Variants in CPA3 observed in about 807,000 individuals in gnomAD.
The protein encoded by CPA3 is mast cell carboxypeptidase A.
A neutral mutation model predicts 55.8 loss-of-function variants in CPA3; 52 were observed. The ratio of observed to expected loss-of-function variants is 0.93; its 90% CI spans 0.75 to 1.17. The LOEUF (loss-of-function observed/expected upper bound fraction) is 1.17. Among genes scored for constraint, CPA3 ranks in the 50% most tolerant of loss-of-function variants. The probability of loss-of-function intolerance (pLI) is 0.00; values close to 1 mark genes in which losing one functional copy is unlikely to be tolerated. For missense variants in CPA3, 547 were observed against 509.1 expected (o/e 1.07, Z -0.72); for synonymous variants, 179 against 171.2 (o/e 1.05, Z -0.36).
chr3:148,879,751 T>C, intron 5 of CPA3, 37 bp from the exon 6 acceptor site: 2 of 1,383,332 alleles, frequency 1.4e-6, no homozygotes, highest in Non-Finnish European at 2.1e-6. Context: ...ATGTGTGAGT[T>C]TGTTCAAAAC....
intron 10 of CPA3, among the ~76,000 whole-genome samples, chr3:148,887,614 C>T (rs1714567995): frequency 6.6e-6 from 1 of 152,202 alleles, no homozygotes; most frequent in South Asian, 2.1e-4. Context: ...AGACAATTAA[C>T]TCAGATCCTG....
At position 148,882,550 on chromosome 3, in the gene CPA3, T is replaced by C; in HGVS notation, c.733T>C (p.Cys245Arg). 6.2e-7 allele frequency: 1 copy of C among 1,613,784 alleles called. No homozygotes were observed. The highest frequency in any genetic ancestry group is 1.3e-5 in the African/African-American group (1 of 75,042). Residue 245 changes from cysteine (C) to arginine (R), a missense_variant, in exon 8 of 11, where the codon TGC becomes CGC. Cys to Arg is a radical substitution (Grantham distance 180). Transcript: ENST00000296046. ...KNRSKNQNSK[C>R]IGTDLNRNFN... ...TCGTTCCAAGAACCAAAACTCCAAA[T>C]GCATCGGCACTGACCTCAACAGGAA...
chr3:148,867,493 C>T (rs1713935353), intron 2 of CPA3, among the ~76,000 whole-genome samples: 1 of 152,210 alleles, frequency 6.6e-6, no homozygotes, highest in Admixed American at 6.5e-5. Context: ...CTCTTTGCCT[C>T]CTGCTTAATA....
At chr3:148,890,231 A>G (rs1009663890) in intron 10 of CPA3, among the ~76,000 whole-genome samples, 1 of 152,228 alleles carries the variant, frequency 6.6e-6, no homozygotes, top group Non-Finnish European at 1.5e-5. Context: ...AAATGATTAT[A>G]TTTGCATATA....
intron 10 of CPA3, among the ~76,000 whole-genome samples, chr3:148,893,567 C>A (rs975759484): frequency 6.6e-6 from 1 of 151,830 alleles, no homozygotes. Context: ...TGTCATCGGT[C>A]CAAGGAAAAG....
Position 148,866,677 on chromosome 3 carries a change from C to T in CPA3, c.144+1129C>T, listed in dbSNP as rs886435213. 7.9e-5 allele frequency among the ~76,000 whole-genome samples: 12 copies of T among 152,196 alleles called. No homozygotes were observed. The South Asian group carries it at 1.7e-3, about 21-fold the overall frequency. Reference sequence around the variant, plus strand: ...TGGGGATAATAGTCATAGCTACTTCCTAGGGTTGCTACAAAGACTAAGTAA... The same window carrying T: ...TGGGGATAATAGTCATAGCTACTTCTTAGGGTTGCTACAAAGACTAAGTAA... On this transcript the variant is annotated intron_variant, in intron 2 of 10. Transcript: ENST00000296046.
At chr3:148,866,917 C>T (rs917039017) in intron 2 of CPA3, among the ~76,000 whole-genome samples, 21 of 152,178 alleles carry the variant, frequency 1.4e-4, no homozygotes, top group African/African-American at 3.6e-4. Context: ...CCACCATCCC[C>T]GGCTAATTTT....
At chr3:148,894,467 CAA>C (rs11338734) in intron 10 of CPA3, among the ~76,000 whole-genome samples, 71,222 of 146,804 alleles carry the variant, frequency 0.49, 17,943 homozygotes, top group Non-Finnish European at 0.57. Context: ...ACAGAAAGAA[CAA>C]AAAAAAAAAA....
chr3:148,894,523 C>T (rs928421288), intron 10 of CPA3, among the ~76,000 whole-genome samples: 9 of 150,296 alleles, frequency 6.0e-5, no homozygotes, highest in East Asian at 1.9e-4. Flanking sequence ...TTTACCTACA[C>T]GCACTAATTA....
chr3:148,883,757 A>T lies in CPA3; in HGVS notation c.923A>T (p.Gln308Leu). ...TACATCACCTTCCATTCCTACTCCC[A>T]GATGCTATTGTTTCCCTATGGATAT... ...KVYITFHSYS[Q>L]MLLFPYGYTS... is the part of the protein sequence containing the mutation. Residue 308 changes from glutamine to leucine, a missense_variant, in exon 9 of 11, where the codon CAG becomes CTG. Coordinates refer to ENST00000296046, the MANE Select transcript of CPA3 (RefSeq NM_001870.4). 6.2e-7 allele frequency: 1 copy of T among 1,614,138 alleles called. No homozygotes were observed. The highest frequency in any genetic ancestry group is 8.5e-7 in the Non-Finnish European group (1 of 1,179,980).
chr3:148,879,413 C>A (rs1455489721), intron 5 of CPA3, among the ~76,000 whole-genome samples: 2 of 152,130 alleles, frequency 1.3e-5, no homozygotes, highest in South Asian at 2.1e-4. Context: ...GGGTAAATAT[C>A]CCCAGTTTAC....
At chr3:148,886,270 C>T in intron 10 of CPA3, 93 bp downstream of exon 10, 1 of 789,370 alleles carries the variant, frequency 1.3e-6, no homozygotes, top group Non-Finnish European at 2.0e-6. Context: ...TAGGTTAGAG[C>T]ATCTGGAATT....
chr3:148,875,356 C>T (rs933555241), intron 3 of CPA3, among the ~76,000 whole-genome samples: 3 of 152,072 alleles, frequency 2.0e-5, no homozygotes, highest in Non-Finnish European at 4.4e-5. Flanking sequence ...AGTACGACTT[C>T]AAGAAATCCT....
chr3:148,873,076 G>T (rs1356486642), intron 3 of CPA3, among the ~76,000 whole-genome samples: 2 of 144,246 alleles, frequency 1.4e-5, no homozygotes, highest in Non-Finnish European at 3.0e-5. Flanking sequence ...ACAGAAACAG[G>T]GAATAACTAG....
intron 5 of CPA3, among the ~76,000 whole-genome samples, chr3:148,879,235 G>A (rs2108033792): frequency 6.6e-6 from 1 of 152,236 alleles, no homozygotes; most frequent in South Asian, 2.1e-4. Context: ...GCTCCCTGAA[G>A]CAGCCACTTA....
rs566463294 is a variant in CPA3 at position 148,865,746 on chromosome 3, T to C, written c.144+198T>C. Among the ~76,000 whole-genome samples the C allele has an allele frequency of 3.9e-5, 6 of 152,350 alleles. 1 individual carries two copies. Among genetic ancestry groups the C allele is most frequent in the African/African-American group, 1.2e-4 (5 of 41,594 alleles). On this transcript the variant is annotated intron_variant, in intron 2 of 10. Coordinates refer to ENST00000296046, the MANE Select transcript of CPA3 (RefSeq NM_001870.4). The stretch of plus-strand genomic sequence containing the variant: ...TCTTGGTTTCCAAGACTACCACTTC[T>C]GTTTTTCCTCCCAAAAGCTTTTCAA...
chr3:148,889,122 C>T (rs769556325), intron 10 of CPA3, among the ~76,000 whole-genome samples: 67 of 152,322 alleles, frequency 4.4e-4, no homozygotes, highest in African/African-American at 1.5e-3. Context: ...GCCTTTGTCA[C>T]GCAGTGCTGC....
At chr3:148,885,986 C>T (rs1714517260) in intron 9 of CPA3, 107 bp from the exon 10 acceptor site, 1 of 752,618 alleles carries the variant, frequency 1.3e-6, no homozygotes, top group Non-Finnish European at 2.3e-6. Flanking sequence ...AAGCACAGTG[C>T]CTAACCTGTA....
At position 148,896,690 on chromosome 3, in the gene CPA3, C is replaced by T. The variant is rs772635320; in HGVS notation, c.1237C>T (p.Leu413Phe). 8.5e-6 allele frequency: 13 copies of T among 1,530,700 alleles called. No individual in the cohort carries two copies. In the South Asian group the frequency reaches 1.4e-4, roughly 16 times the overall value. The allele number at this position is 1,530,700 out of a possible 1,614,324, so 94.8% of individuals were successfully genotyped here. A position where few individuals can be genotyped will look rare whatever the true frequency, so the allele number is the denominator to read the frequency against. The change falls in exon 11 of 11, where the codon CTC becomes TTC. Residue 413 changes from leucine to phenylalanine, a missense_variant. Physicochemically the swap from Leu to Phe is conservative, Grantham distance 22. Coordinates refer to ENST00000296046, the MANE Select transcript of CPA3 (RefSeq NM_001870.4). ...TGTCAAATTTATTGCCAAGTATATC[C>T]TCAAGCATACTTCCTAAAGAACTGC... is the stretch of plus-strand genomic sequence containing the variant. ...LAVKFIAKYI[L>F]KHTS
Sources: allele counts gnomAD v4.1 joint callset (sites outside exome capture counted in the v4.1 genomes callset), GRCh38; gene constraint gnomAD v4.1.1; transcripts MANE v1.5; gene names NCBI Gene and HGNC (gene_info 2026-07-23, HGNC 2026-07-21).